Variants in APOL1 observed in about 807,000 individuals in gnomAD.
APOL1 encodes the protein apolipoprotein L1, also known as apolipoprotein L 1.
In APOL1, 17 loss-of-function variants were observed where a neutral mutation model predicts 14.9. The observed-to-expected ratio is 1.14, with a 90% CI of 0.78 to 1.71. The LOEUF (loss-of-function observed/expected upper bound fraction) is 1.71. Ranked by LOEUF, APOL1 falls within the 40% of genes most tolerant of loss-of-function variation. APOL1 has a pLI of 0.00. For synonymous variants in APOL1, 195 were observed against 184.8 expected, an observed-to-expected ratio of 1.05 and a Z score of -0.45; for missense variants, 523 against 485.9, an observed-to-expected ratio of 1.08 and a Z score of -0.72.
chr22:36,259,567 C>T (rs574199275), intron 4 of APOL1: 102 of 1,211,920 alleles, frequency 8.4e-5, no homozygotes, highest in Non-Finnish European at 1.1e-4. Flanking sequence ...GATTAGAAGC[C>T]GAGAGCACTC....
intron 4 of APOL1, 197 bp downstream of exon 4, chr22:36,257,604 G>T (rs1166710572): frequency 1.6e-6 from 1 of 606,296 alleles, no homozygotes; most frequent in Non-Finnish European, 3.0e-6. Flanking sequence ...CTCTCCTTAG[G>T]GTGACACGGC....
chr22:36,262,222 TG>T (rs1445372592), intron 5 of APOL1, among the ~76,000 whole-genome samples: 1 of 152,168 alleles, frequency 6.6e-6, no homozygotes, highest in Non-Finnish European at 1.5e-5. Flanking sequence ...TGTGTGTTCC[TG>T]GGGATGCTGG....
chr22:36,254,088 GCTTCAATATTAGAGT>G (rs2015778774), intron 1 of APOL1: 1 of 1,455,872 alleles, frequency 6.9e-7, no homozygotes, highest in Admixed American at 1.7e-5. Context: ...AAACATTTTT[GCTTCAATATTAGAGT>G]CACAAGGGCA....
intron 1 of APOL1, among the ~76,000 whole-genome samples, chr22:36,254,199 A>T (rs1173967932): frequency 6.6e-6 from 1 of 152,124 alleles, no homozygotes; most frequent in Non-Finnish European, 1.5e-5. Context: ...TTCCCCTGTA[A>T]AAAACCTGAT....
rs1449418628 is a variant in APOL1, at chr22:36,265,837, A to G, written c.1001A>G (p.Lys334Arg). 1.2e-6 allele frequency: 2 copies of G among 1,614,082 alleles called. No homozygotes were observed. Among genetic ancestry groups the G allele is most frequent in the Admixed American group, 1.7e-5 (1 of 60,004 alleles). Residue 334 changes from lysine to arginine, a missense_variant, in exon 6 of 6, where the codon AAG becomes AGG. Coordinates refer to ENST00000397278, the MANE Select transcript of APOL1 (RefSeq NM_003661.4). ...ATCCTGGAAATGAGCAGAGGAGTCA[A>G]GCTCACGGATGTGGCCCCTGTAAGC... ...PSILEMSRGV[K>R]LTDVAPVSFF...
intron 5 of APOL1, 68 bp from the exon 6 acceptor site, chr22:36,265,083 T>G: frequency 6.3e-7 from 1 of 1,588,014 alleles, no homozygotes; most frequent in Non-Finnish European, 8.6e-7. Flanking sequence ...AGTGCTGGGA[T>G]TACAGGTGTG....
At chr22:36,255,171 G>C (rs1053727233) in intron 2 of APOL1, among the ~76,000 whole-genome samples, 172 bp downstream of exon 2, 2 of 152,258 alleles carry the variant, frequency 1.3e-5, no homozygotes, top group Non-Finnish European at 2.9e-5. Context: ...CTGTATCCTA[G>C]TTGAGGCTAA....
intron 5 of APOL1, among the ~76,000 whole-genome samples, chr22:36,262,907 C>G (rs1225667315): frequency 6.6e-6 from 1 of 152,226 alleles, no homozygotes; most frequent in Non-Finnish European, 1.5e-5. Flanking sequence ...TGTGTAATTT[C>G]AGGGATACTG....
intron 4 of APOL1, chr22:36,257,696 CGG>C (rs71193213): frequency 8.2e-4 from 173 of 212,250 alleles, no homozygotes; most frequent in East Asian, 1.6e-3. Flanking sequence ...GTGGAATCAG[CGG>C]GGGGGGGGGG....
In APOL1 at chr22:36,257,091, C is replaced by T. The variant is rs1170219039; in HGVS notation, c.53C>T (p.Ala18Val). 1.2e-6 allele frequency: 2 copies of T among 1,614,156 alleles called. No homozygotes were observed. Among genetic ancestry groups the T allele is most frequent in the Non-Finnish European group, 1.7e-6 (2 of 1,180,026 alleles). ...TCCTCATACCCCAACAGGATGAGTG[C>T]ACTTTTCCTTGGTGTGGGAGTGAGG... ...RVSVLCIWMSALFLGVGVRAE... is the reference protein window; with the variant it reads ...RVSVLCIWMSVLFLGVGVRAE... Residue 18 changes from alanine to valine, a missense_variant, in exon 3 of 6, where the codon GCA becomes GTA. By Grantham distance (64) the Ala-to-Val change is moderately conservative. Coordinates refer to ENST00000397278, the MANE Select transcript of APOL1 (RefSeq NM_003661.4).
At chr22:36,265,058 G>A (rs1449740845) in intron 5 of APOL1, 93 bp from the exon 6 acceptor site, 15 of 1,488,416 alleles carry the variant, frequency 1.0e-5, no homozygotes, top group East Asian at 6.8e-5. Flanking sequence ...TGATCCACCC[G>A]CCTTGGCCTC....
At chr22:36,263,511 G>T (rs2016138893) in intron 5 of APOL1, among the ~76,000 whole-genome samples, 1 of 152,240 alleles carries the variant, frequency 6.6e-6, no homozygotes, top group Admixed American at 6.5e-5. Context: ...TTTCACAATT[G>T]TGGTTGATCA....
chr22:36,266,249 C>G lies in APOL1; in HGVS notation c.*216C>G, dbSNP rs1259723487. 4.0e-6 allele frequency: 2 copies of G among 503,746 alleles called. No homozygotes were observed. The highest frequency in any genetic ancestry group is 6.9e-6 in the Non-Finnish European group (2 of 288,578). The allele number at this position is 503,746 out of a possible 1,614,324, so 31.2% of individuals were successfully genotyped here. On this transcript the variant is annotated 3_prime_UTR_variant, in exon 6 of 6. Coordinates refer to ENST00000397278, the MANE Select transcript of APOL1 (RefSeq NM_003661.4). Reference sequence around the variant, plus strand: ...GGGACTACAGGCGCCTACCACCATGCCCAGCTAATTTTTGTATTTTTAATA... The same window carrying G: ...GGGACTACAGGCGCCTACCACCATGGCCAGCTAATTTTTGTATTTTTAATA...
At position 36,255,013 on chromosome 22, in the gene APOL1, A is replaced by G; in HGVS notation, c.44+14A>G. 6.2e-7 allele frequency: 1 copy of G among 1,611,672 alleles called. No individual in the cohort carries two copies. The highest frequency in any genetic ancestry group is 8.5e-7 in the Non-Finnish European group (1 of 1,177,766). On this transcript the variant is annotated intron_variant, in intron 2 of 5. Transcript: ENST00000397278. ...CCTCTGCATCTGGTGAGCTTGGCTCAGAGCCCTGAGGCGGGAGGGAGGGCT... is the reference window on the plus strand; with the variant it reads ...CCTCTGCATCTGGTGAGCTTGGCTCGGAGCCCTGAGGCGGGAGGGAGGGCT...
chr22:36,266,473 G>A lies in APOL1; in HGVS notation c.*440G>A. On this transcript the variant is annotated 3_prime_UTR_variant, in exon 6 of 6. Coordinates refer to ENST00000397278, the MANE Select transcript of APOL1 (RefSeq NM_003661.4). The stretch of plus-strand genomic sequence containing the variant: ...TGTTAGGGACTTTGGCATTTCCATA[G>A]CTGAGCACAGCAGGGGAGGGGTTAA... 2.5e-6 allele frequency: 1 copy of A among 405,198 alleles called. No homozygotes were observed. The highest frequency in any genetic ancestry group is 3.5e-5 in the East Asian group (1 of 28,222). The allele number at this position is 405,198 out of a possible 1,614,324, so 25.1% of individuals were successfully genotyped here. A position where few individuals can be genotyped will look rare whatever the true frequency, so the allele number is the denominator to read the frequency against.
chr22:36,255,171 G>A (rs1053727233), intron 2 of APOL1, among the ~76,000 whole-genome samples, 172 bp downstream of exon 2: 5 of 152,258 alleles, frequency 3.3e-5, no homozygotes, highest in African/African-American at 1.2e-4. Flanking sequence ...CTGTATCCTA[G>A]TTGAGGCTAA....
At chr22:36,253,656 G>C (rs1056433908) in intron 1 of APOL1, among the ~76,000 whole-genome samples, 11 of 152,174 alleles carry the variant, frequency 7.2e-5, no homozygotes, top group Non-Finnish European at 1.5e-4. Context: ...TTTTTTTCAG[G>C]TACAAGGAGT....
intron 1 of APOL1, chr22:36,254,094 A>T (rs117463237): frequency 7.2e-7 from 1 of 1,389,474 alleles, no homozygotes; most frequent in East Asian, 2.3e-5. Flanking sequence ...TTTTGCTTCA[A>T]TATTAGAGTC....
intron 4 of APOL1, among the ~76,000 whole-genome samples, chr22:36,258,416 A>C (rs1167159287): frequency 6.6e-6 from 1 of 152,260 alleles, no homozygotes; most frequent in African/African-American, 2.4e-5. Context: ...AACTGCAGTA[A>C]GGACATTATT....
Sources: allele counts gnomAD v4.1 joint callset (sites outside exome capture counted in the v4.1 genomes callset), GRCh38; gene constraint gnomAD v4.1.1; transcripts MANE v1.5; gene names NCBI Gene and HGNC (gene_info 2026-07-23, HGNC 2026-07-21).